Variants in ADCY8 observed in about 807,000 individuals in gnomAD.
ADCY8 encodes adenylate cyclase 8, also known as adenylate cyclase type 8.
In ADCY8, 51 loss-of-function variants were observed where a neutral mutation model predicts 119.7. The observed-to-expected ratio is 0.43, with a 90% CI of 0.34 to 0.54. The LOEUF is 0.54. Ranked by LOEUF, ADCY8 falls within the 20% of genes least tolerant of loss-of-function variation. ADCY8 has a pLI of 0.03. For missense variants in ADCY8, 1,383 were observed against 1,598.8 expected (o/e 0.87, Z 2.30); for synonymous variants, 665 against 651.0 (o/e 1.02, Z -0.33).
Position 130,847,420 on chromosome 8 carries a change from A to C in ADCY8, c.2502+4T>G. ...CTCACCAAGGGGAGCTCATAAATAA[A>C]TACCTCTGGGTAGGAGCAGATATCT... On this transcript the variant is annotated splice_donor_region_variant and intron_variant, in intron 11 of 17. Transcript: ENST00000286355. 6.2e-7 allele frequency: 1 copy of C among 1,608,498 alleles called. No homozygotes were observed. Among genetic ancestry groups the C allele is most frequent in the East Asian group, 2.2e-5 (1 of 44,834 alleles).
In ADCY8 at chr8:130,963,609, A is replaced by T. The variant is rs529840881; in HGVS notation, c.1111-11611T>A. Among the ~76,000 whole-genome samples, 5 of 152,326 alleles carry T rather than the reference A, an allele frequency of 3.3e-5. No individual in the cohort carries two copies. The East Asian group carries it at 7.7e-4, about 24-fold the overall frequency. On this transcript the variant is annotated intron_variant, in intron 2 of 17. Transcript: ENST00000286355. ...CTTCATGGGGGGTTTAGTCCCCAAG[A>T]TGACAGGAGAGGGGGAGAGATGATA...
intron 1 of ADCY8, among the ~76,000 whole-genome samples, chr8:131,012,556 A>G (rs1396328348): frequency 6.6e-6 from 1 of 152,200 alleles, no homozygotes; most frequent in Non-Finnish European, 1.5e-5. Context: ...GGATCCTGTG[A>G]TGAGCCATCG....
At chr8:130,784,124 T>A (rs1815175549) in intron 16 of ADCY8, among the ~76,000 whole-genome samples, 1 of 152,082 alleles carries the variant, frequency 6.6e-6, no homozygotes, top group Non-Finnish European at 1.5e-5. Context: ...TGTATGTGTG[T>A]ATGTGTGTGT....
At chr8:130,793,371 G>A (rs1027327913) in intron 15 of ADCY8, among the ~76,000 whole-genome samples, 6 of 152,146 alleles carry the variant, frequency 3.9e-5, no homozygotes, top group African/African-American at 1.4e-4. Context: ...CTGGGTAAGC[G>A]ATGAGTGGGT....
At chr8:130,854,837 C>CCCTT (rs1554607550) in intron 9 of ADCY8, among the ~76,000 whole-genome samples, 3 of 48,778 alleles carry the variant, frequency 6.2e-5, no homozygotes, top group East Asian at 5.2e-4. Context: ...CTCCCTCCCT[C>CCCTT]CCTTCCTTCC....
At chr8:130,870,555 T>G (rs1478674705) in intron 8 of ADCY8, among the ~76,000 whole-genome samples, 1 of 152,174 alleles carries the variant, frequency 6.6e-6, no homozygotes, top group Admixed American at 6.6e-5. Context: ...CTCAGGATTC[T>G]AAACACCCTC....
intron 1 of ADCY8, among the ~76,000 whole-genome samples, chr8:131,027,147 C>T (rs1230432100): frequency 2.0e-5 from 3 of 152,180 alleles, no homozygotes; most frequent in Non-Finnish European, 1.5e-5. Flanking sequence ...TTCTGCTTAT[C>T]TCTCTGCCCC....
intron 1 of ADCY8, among the ~76,000 whole-genome samples, chr8:131,015,626 T>A (rs926062637): frequency 2.7e-4 from 41 of 152,252 alleles, no homozygotes; most frequent in African/African-American, 9.9e-4. Flanking sequence ...CATAGCTTTA[T>A]CCAGCTGTTA....
chr8:130,818,184 A>G (rs888214884), intron 13 of ADCY8, among the ~76,000 whole-genome samples: 2 of 152,216 alleles, frequency 1.3e-5, no homozygotes, highest in Non-Finnish European at 2.9e-5. Flanking sequence ...AAGGTTACCT[A>G]TTCTTGAAGT....
At chr8:130,867,799 A>G in intron 9 of ADCY8, 47 bp downstream of exon 9, 1 of 1,377,204 alleles carries the variant, frequency 7.3e-7, no homozygotes, top group South Asian at 1.2e-5. Flanking sequence ...CACATGAGGA[A>G]TCTCACAAAG....
intron 8 of ADCY8, 151 bp from the exon 9 acceptor site, chr8:130,868,097 C>T: frequency 1.8e-6 from 1 of 546,582 alleles, no homozygotes. Flanking sequence ...GCATTATCCC[C>T]ATCCCTCCTG....
chr8:130,821,114 T>C (rs1816494987), intron 13 of ADCY8, among the ~76,000 whole-genome samples: 2 of 152,186 alleles, frequency 1.3e-5, no homozygotes, highest in Non-Finnish European at 2.9e-5. Flanking sequence ...TTCACTAGGA[T>C]GATATTTTGA....
intron 5 of ADCY8, among the ~76,000 whole-genome samples, chr8:130,922,208 CT>C (rs751799584): frequency 0.023 from 2,983 of 129,014 alleles, 27 homozygotes; most frequent in Middle Eastern, 0.033. Flanking sequence ...AATTCCCTTT[CT>C]TTTTTTTTTT....
At chr8:130,975,060 C>T (rs1035562122) in intron 2 of ADCY8, among the ~76,000 whole-genome samples, 1 of 152,144 alleles carries the variant, frequency 6.6e-6, no homozygotes, top group African/African-American at 2.4e-5. Flanking sequence ...AAGCTTCGAT[C>T]TATCAAGAGA....
At position 130,780,616 on chromosome 8, in the gene ADCY8, T is replaced by A; in HGVS notation, c.3530A>T (p.Asn1177Ile). The A allele has an allele frequency of 1.2e-6, 2 of 1,613,926 alleles. No homozygotes were observed. Among genetic ancestry groups the A allele is most frequent in the Non-Finnish European group, 1.7e-6 (2 of 1,179,950 alleles). ...TCTTCTTGGGGGCAAGATGAATGGG[T>A]TGGGTTGGACTCTTCCCAGAAGAAA... ...TYFLLGRVQP[N>I]PFILPPRRLP... Residue 1177 changes from asparagine to isoleucine, a missense_variant, in exon 18 of 18, where the codon AAC becomes ATC. Physicochemically the swap from Asn to Ile is moderately radical, Grantham distance 149 (BLOSUM62 -3). Coordinates refer to ENST00000286355, the MANE Select transcript of ADCY8 (RefSeq NM_001115.3).
intron 7 of ADCY8, among the ~76,000 whole-genome samples, chr8:130,898,710 C>T (rs1586548792): frequency 1.3e-5 from 2 of 152,140 alleles, no homozygotes; most frequent in South Asian, 4.2e-4. Context: ...AAAGAGTAGC[C>T]TCAGTTCTCT....
intron 2 of ADCY8, among the ~76,000 whole-genome samples, chr8:130,979,232 G>A (rs1397224411): frequency 1.3e-5 from 2 of 152,186 alleles, no homozygotes; most frequent in African/African-American, 4.8e-5. Context: ...ATCACTGTGG[G>A]TGGGAGCCTT....
chr8:130,864,545 C>G (rs920743492), intron 9 of ADCY8, among the ~76,000 whole-genome samples: 1 of 152,142 alleles, frequency 6.6e-6, no homozygotes, highest in Non-Finnish European at 1.5e-5. Flanking sequence ...CCCTGCCCAA[C>G]CCCCATTCAC....
intron 8 of ADCY8, among the ~76,000 whole-genome samples, chr8:130,881,292 T>C (rs957331133): frequency 6.6e-6 from 1 of 152,212 alleles, no homozygotes; most frequent in Non-Finnish European, 1.5e-5. Context: ...AAGTCCTGTT[T>C]CACATAATGT....
Sources: allele counts gnomAD v4.1 joint callset (sites outside exome capture counted in the v4.1 genomes callset), GRCh38; gene constraint gnomAD v4.1.1; transcripts MANE v1.5; gene names NCBI Gene and HGNC (gene_info 2026-07-23, HGNC 2026-07-21).